The following PBX1 variants were observed in gnomAD, a reference collection of about 807,000 sequenced individuals.
PBX1 encodes PBX homeobox 1.
PBX1 carries 6 observed loss-of-function variants against 53.4 expected under a neutral mutation model. The ratio of observed to expected loss-of-function variants is 0.11; its 90% CI spans 0.06 to 0.22. PBX1 has a LOEUF of 0.22. Among genes scored for constraint, PBX1 ranks in the 10% least tolerant of loss-of-function variants. The pLI is 1.00. For synonymous variants in PBX1, 204 were observed against 212.3 expected (o/e 0.96, Z 0.34); for missense variants, 251 against 551.4 (o/e 0.46, Z 5.46).
At chr1:164,628,479 G>A (rs1658194389) in intron 2 of PBX1, among the ~76,000 whole-genome samples, 1 of 152,132 alleles carries the variant, frequency 6.6e-6, no homozygotes. Context: ...GGGAATCCTG[G>A]CTTTATGCAC....
chr1:164,698,200 G>A (rs1234608280), intron 2 of PBX1, among the ~76,000 whole-genome samples: 4 of 152,032 alleles, frequency 2.6e-5, no homozygotes, highest in Non-Finnish European at 2.9e-5. Flanking sequence ...GAAATACCAC[G>A]GTCCCTCGGG....
intron 2 of PBX1, among the ~76,000 whole-genome samples, chr1:164,777,701 C>A (rs190953231): frequency 6.6e-6 from 1 of 152,198 alleles, no homozygotes; most frequent in East Asian, 1.9e-4. Context: ...CCTGTCTGAT[C>A]TCCAACCTGT....
At chr1:164,770,215 C>T (rs1039515232) in intron 2 of PBX1, 2 of 152,160 alleles carry the variant, frequency 1.3e-5, no homozygotes, top group African/African-American at 4.8e-5. Context: ...TGCTTGTTTT[C>T]CAGGTCCGTG....
At chr1:164,668,915 G>C (rs527852343) in intron 2 of PBX1, among the ~76,000 whole-genome samples, 1 of 152,102 alleles carries the variant, frequency 6.6e-6, no homozygotes, top group African/African-American at 2.4e-5. Flanking sequence ...ATTTCATTTC[G>C]CCTGGCAGAA....
At chr1:164,737,538 G>A (rs1665363095) in intron 2 of PBX1, among the ~76,000 whole-genome samples, 1 of 151,452 alleles carries the variant, frequency 6.6e-6, no homozygotes, top group African/African-American at 2.4e-5. Flanking sequence ...GAGTGCAGTG[G>A]CATGATCTCA....
intron 8 of PBX1, among the ~76,000 whole-genome samples, chr1:164,836,753 A>G (rs192853821): frequency 6.6e-6 from 1 of 152,194 alleles, no homozygotes. Flanking sequence ...GAGTGCATTA[A>G]GCAGCAAACT....
intron 2 of PBX1, among the ~76,000 whole-genome samples, chr1:164,860,825 C>A (rs370203169): frequency 6.6e-6 from 1 of 151,994 alleles, no homozygotes; most frequent in East Asian, 1.9e-4. Flanking sequence ...CAAAGCACCT[C>A]GTGACACACT....
At chr1:164,618,730 A>G (rs1333324458) in intron 2 of PBX1, among the ~76,000 whole-genome samples, 1 of 152,186 alleles carries the variant, frequency 6.6e-6, no homozygotes, top group Non-Finnish European at 1.5e-5. Context: ...GGTCTTTTAC[A>G]TCTCTAATAT....
chr1:164,763,429 C>T (rs1040408875), intron 2 of PBX1, among the ~76,000 whole-genome samples: 13 of 152,194 alleles, frequency 8.5e-5, no homozygotes, highest in South Asian at 2.1e-4. Context: ...CTTGTACTAC[C>T]ACTTGTATCC....
At chr1:164,682,658 T>C (rs1661850888) in intron 2 of PBX1, 1 of 152,202 alleles carries the variant, frequency 6.6e-6, no homozygotes, top group African/African-American at 2.4e-5. Flanking sequence ...GGTTCTACCT[T>C]TATTTTTCTT....
chr1:164,688,238 A>T lies in PBX1; in HGVS notation c.266-104256A>T, dbSNP rs1358375460. On this transcript the variant is annotated intron_variant, in intron 2 of 8. Coordinates refer to ENST00000420696, the MANE Select transcript of PBX1 (RefSeq NM_002585.4). ...TAACTGGAAATTACTGTTCAGATAGACTTGAGGATAATTATTCACGTTATT... is the reference window on the plus strand; with the variant it reads ...TAACTGGAAATTACTGTTCAGATAGTCTTGAGGATAATTATTCACGTTATT... Among the ~76,000 whole-genome samples the T allele has an allele frequency of 2.6e-5, 4 of 152,294 alleles. No individual in the cohort carries two copies. The East Asian group carries it at 5.8e-4, about 22-fold the overall frequency.
intron 2 of PBX1, among the ~76,000 whole-genome samples, chr1:164,565,020 A>C (rs1409275422): frequency 1.3e-5 from 2 of 152,174 alleles, no homozygotes; most frequent in Non-Finnish European, 2.9e-5. Flanking sequence ...TTTTGAAGAT[A>C]CTTTATCAGA....
At chr1:164,738,542 G>A (rs1299439851) in intron 2 of PBX1, among the ~76,000 whole-genome samples, 3 of 152,118 alleles carry the variant, frequency 2.0e-5, no homozygotes, top group Non-Finnish European at 4.4e-5. Flanking sequence ...TTCTCCCAAA[G>A]TGCCACATTA....
At chr1:164,727,070 C>T (rs1242359541) in intron 2 of PBX1, among the ~76,000 whole-genome samples, 3 of 152,070 alleles carry the variant, frequency 2.0e-5, no homozygotes, top group Admixed American at 1.3e-4. Context: ...TTTGCTGGAG[C>T]TCAACACCAA....
intron 2 of PBX1, among the ~76,000 whole-genome samples, chr1:164,689,281 C>T (rs569215233): frequency 6.6e-6 from 1 of 152,240 alleles, no homozygotes; most frequent in South Asian, 2.1e-4. Flanking sequence ...AAATAGTTAA[C>T]TGAAGTGGAA....
intron 2 of PBX1, among the ~76,000 whole-genome samples, chr1:164,713,393 G>A (rs1489003819): frequency 6.6e-6 from 1 of 152,160 alleles, no homozygotes; most frequent in Non-Finnish European, 1.5e-5. Flanking sequence ...AATGGTGATA[G>A]ATAGACAGCA....
downstream of PBX1, among the ~76,000 whole-genome samples, chr1:164,854,905 TG>T (rs933440335): frequency 2.6e-5 from 4 of 151,580 alleles, no homozygotes; most frequent in Non-Finnish European, 5.9e-5. Context: ...CCCAGTCACA[TG>T]ACATAGCTCA....
chr1:164,728,080 T>C (rs2102127966), intron 2 of PBX1, among the ~76,000 whole-genome samples: 1 of 152,232 alleles, frequency 6.6e-6, no homozygotes, highest in Non-Finnish European at 1.5e-5. Flanking sequence ...ATCCTATCAC[T>C]TTGGGAGGCC....
intron 4 of PBX1, among the ~76,000 whole-genome samples, 156 bp from the exon 5 acceptor site, chr1:164,807,386 G>A (rs1268527189): frequency 6.6e-6 from 1 of 152,212 alleles, no homozygotes; most frequent in Non-Finnish European, 1.5e-5. Flanking sequence ...AATGCTTTTA[G>A]CGTTGGTTTT....
Sources: allele counts gnomAD v4.1 joint callset (sites outside exome capture counted in the v4.1 genomes callset), GRCh38; gene constraint gnomAD v4.1.1; transcripts MANE v1.5; gene names NCBI Gene and HGNC (gene_info 2026-07-23, HGNC 2026-07-21).